RBFOX1: variants seen among roughly 807,000 people sequenced by gnomAD.
The protein encoded by RBFOX1 is RNA binding protein fox-1 homolog 1.
Under a neutral mutation model 57.7 loss-of-function variants are expected in RBFOX1, and 8 were observed. The ratio of observed to expected loss-of-function variants is 0.14; its 90% CI spans 0.08 to 0.25. RBFOX1 has a LOEUF of 0.25. RBFOX1 is among the 10% of genes least tolerant of loss of function. The pLI, the probability that RBFOX1 is intolerant of heterozygous loss-of-function variation, is 1.00. For synonymous variants in RBFOX1, 326 were observed against 222.4 expected, an observed-to-expected ratio of 1.47 and a Z score of -4.15; for missense variants, 611 against 548.5, an observed-to-expected ratio of 1.11 and a Z score of -1.14.
In RBFOX1 at chr16:6,991,056, C is replaced by A. The variant is rs28485766; in HGVS notation, c.-15-61001C>A. ...GTGGCTCACACCTGTAATTCCAGTACGTTGGGAGGCCAAGGTGGGTGGCCT... is the reference window on the plus strand; with the variant it reads ...GTGGCTCACACCTGTAATTCCAGTAAGTTGGGAGGCCAAGGTGGGTGGCCT... On this transcript the variant is annotated intron_variant, in intron 3 of 15. Coordinates refer to ENST00000550418, the MANE Select transcript of RBFOX1 (RefSeq NM_018723.4). Among the ~76,000 whole-genome samples, 552 of 140,372 alleles carry A rather than the reference C, an allele frequency of 3.9e-3. 9 individuals carry two copies. The highest frequency in any genetic ancestry group is 0.014 in the African/African-American group (534 of 37,484). 92.1% of individuals were successfully genotyped at this position (140,372 alleles called of 152,430 possible).
chr16:7,575,376 G>A (rs1275028911), intron 5 of RBFOX1, among the ~76,000 whole-genome samples: 1 of 152,046 alleles, frequency 6.6e-6, no homozygotes, highest in Non-Finnish European at 1.5e-5. Flanking sequence ...CTCATGATCT[G>A]CCCCGCTCAG....
chr16:5,764,235 G>A (rs537353385), intron 3 of RBFOX1, among the ~76,000 whole-genome samples: 4 of 152,264 alleles, frequency 2.6e-5, no homozygotes, highest in Non-Finnish European at 5.9e-5. Flanking sequence ...TGGTTAGATG[G>A]GCTGTTCTTA....
chr16:6,444,062 G>C (rs1439599234), intron 2 of RBFOX1, among the ~76,000 whole-genome samples: 1 of 152,148 alleles, frequency 6.6e-6, no homozygotes, highest in Non-Finnish European at 1.5e-5. Context: ...CAGAGTCACT[G>C]ATATTCACAA....
intron 3 of RBFOX1, among the ~76,000 whole-genome samples, chr16:6,915,363 A>T (rs1232654189): frequency 6.6e-6 from 1 of 152,194 alleles, no homozygotes; most frequent in East Asian, 1.9e-4. Flanking sequence ...TCTACAGATT[A>T]GAAAGGAAAC....
intron 2 of RBFOX1, among the ~76,000 whole-genome samples, chr16:6,393,979 C>G (rs554006097): frequency 6.6e-6 from 1 of 152,150 alleles, no homozygotes; most frequent in Non-Finnish European, 1.5e-5. Flanking sequence ...CAACAAGAAT[C>G]TTGGAAGGCG....
chr16:6,062,618 A>ACATAT (rs2095702356), intron 1 of RBFOX1, among the ~76,000 whole-genome samples: 1 of 19,470 alleles, frequency 5.1e-5, no homozygotes, highest in Non-Finnish European at 1.5e-4. Context: ...CATAATATAT[A>ACATAT]AATATATATA....
chr16:7,193,429 T>TA (rs972961884), intron 4 of RBFOX1, among the ~76,000 whole-genome samples: 4 of 152,224 alleles, frequency 2.6e-5, no homozygotes, highest in African/African-American at 9.6e-5. Context: ...TACAGAACTA[T>TA]AAGATGGGTT....
chr16:7,323,270 T>A (rs1198059923), intron 4 of RBFOX1, among the ~76,000 whole-genome samples: 1 of 152,030 alleles, frequency 6.6e-6, no homozygotes, highest in Non-Finnish European at 1.5e-5. Flanking sequence ...AAAAAAAGTT[T>A]AAAAATTGCC....
intron 4 of RBFOX1, among the ~76,000 whole-genome samples, chr16:7,057,611 G>C (rs529363723): frequency 3.3e-5 from 5 of 152,168 alleles, no homozygotes; most frequent in Admixed American, 3.3e-4. Context: ...GGGCCAGTTG[G>C]ATCTGTCCAG....
intron 3 of RBFOX1, among the ~76,000 whole-genome samples, chr16:6,685,344 C>T (rs1236364881): frequency 2.9e-5 from 4 of 139,806 alleles, no homozygotes; most frequent in South Asian, 2.3e-4. Flanking sequence ...GGCTGGATCT[C>T]GGCTCACTGC....
At chr16:6,435,465 A>AT (rs2094208191) in intron 2 of RBFOX1, among the ~76,000 whole-genome samples, 4 of 151,796 alleles carry the variant, frequency 2.6e-5, no homozygotes, top group Admixed American at 2.6e-4. Flanking sequence ...CACCCAGCTA[A>AT]TTTTTGTATT....
chr16:7,610,576 CTATCCGGAT>C (rs2141428326), intron 10 of RBFOX1, among the ~76,000 whole-genome samples: 1 of 152,304 alleles, frequency 6.6e-6, no homozygotes, highest in Admixed American at 6.5e-5. Context: ...CATGCTGCCA[CTATCCGGAT>C]TATCCGGAAA....
intron 4 of RBFOX1, among the ~76,000 whole-genome samples, chr16:7,140,722 G>A (rs2073530463): frequency 1.3e-5 from 2 of 152,280 alleles, no homozygotes; most frequent in African/African-American, 4.8e-5. Flanking sequence ...TATTGGAACT[G>A]GGAGTGAGAG....
rs112747302 is a variant in RBFOX1, at chr16:5,624,683, G to C, written c.318+25722G>C. Among the ~76,000 whole-genome samples the C allele has an allele frequency of 9.4e-3, 1,435 of 152,362 alleles. 22 individuals carry two copies. The highest frequency in any genetic ancestry group is 0.032 in the African/African-American group (1,341 of 41,588). ...AGCCACTAGCTGAAGGGCGCTCTCA[G>C]CTACTGCAATGCATATGCATCAGGC... On this transcript the variant is annotated intron_variant, in intron 3 of 19. Coordinates refer to the RBFOX1 transcript ENST00000641259.
At chr16:6,548,672 G>T (rs1053593965) in intron 2 of RBFOX1, among the ~76,000 whole-genome samples, 2 of 152,136 alleles carry the variant, frequency 1.3e-5, no homozygotes, top group South Asian at 4.2e-4. Context: ...CTTCAGGCGC[G>T]GTTGAGTCAG....
intron 1 of RBFOX1, among the ~76,000 whole-genome samples, chr16:6,074,837 A>T (rs966499039): frequency 2.0e-5 from 3 of 152,208 alleles, no homozygotes; most frequent in African/African-American, 7.2e-5. Context: ...TTGGTGGCTT[A>T]CGTCTGTAAT....
chr16:5,875,377 G>C (rs2057578648), intron 4 of RBFOX1, among the ~76,000 whole-genome samples: 1 of 152,138 alleles, frequency 6.6e-6, no homozygotes, highest in Admixed American at 6.5e-5. Context: ...GACTGCCATT[G>C]TTTATCTCCA....
intron 4 of RBFOX1, among the ~76,000 whole-genome samples, chr16:7,213,850 C>T (rs554523350): frequency 6.6e-6 from 1 of 152,164 alleles, no homozygotes; most frequent in African/African-American, 2.4e-5. Context: ...TGAAAAAGTC[C>T]TGCCCAGCAA....
rs373055247 is a variant in RBFOX1, at chr16:5,750,970, C to G, written c.319-116333C>G. ...CGTTGCTCACGCTGGGAGCTGTAGACTGGAGCTGTTCCTATTCGGCAATCT... is the reference window on the plus strand; with the variant it reads ...CGTTGCTCACGCTGGGAGCTGTAGAGTGGAGCTGTTCCTATTCGGCAATCT... On this transcript the variant is annotated intron_variant, in intron 3 of 19. Coordinates refer to the RBFOX1 transcript ENST00000641259. Among the ~76,000 whole-genome samples the G allele has an allele frequency of 1.6e-4, 25 of 152,310 alleles. 1 individual carries two copies. The South Asian group carries it at 5.2e-3, about 32-fold the overall frequency.
Sources: gnomAD v4.1 joint callset for allele counts (sites outside exome capture counted in the v4.1 genomes callset) on GRCh38, gnomAD v4.1.1 for gene constraint, MANE v1.5 for transcripts, NCBI Gene and HGNC (gene_info 2026-07-23, HGNC 2026-07-21) for gene names.